The following DLC1 variants were observed in gnomAD, a reference collection of about 807,000 sequenced individuals.
DLC1 encodes the protein rho GTPase-activating protein 7.
A neutral mutation model predicts 140.3 loss-of-function variants in DLC1; 54 were observed. The ratio of observed to expected loss-of-function variants is 0.38; its 90% CI spans 0.31 to 0.48. The LOEUF is 0.48. DLC1 is among the 20% of genes least tolerant of loss of function. The pLI, the probability that DLC1 is intolerant of heterozygous loss-of-function variation, is 0.96. For synonymous variants in DLC1, 986 were observed against 728.1 expected, an observed-to-expected ratio of 1.35 and a Z score of -5.70; for missense variants, 2,536 against 1,907.0, an observed-to-expected ratio of 1.33 and a Z score of -6.14.
chr8:13,283,819 A>T (rs1189564225), intron 5 of DLC1, among the ~76,000 whole-genome samples: 2 of 152,150 alleles, frequency 1.3e-5, no homozygotes, highest in African/African-American at 4.8e-5. Context: ...GTGGCGTAGC[A>T]GTGTTGAGGT....
rs35621453 is a variant in DLC1 at position 13,499,121 on chromosome 8, C to A, written c.951G>T (p.Gln317His). 1,798 of 1,614,166 alleles carry A rather than the reference C, an allele frequency of 1.1e-3. 26 individuals are homozygous for A. The African/African-American group carries it at 0.022, about 20-fold the overall frequency. Residue 317 changes from glutamine to histidine, a missense_variant, in exon 2 of 18, where the codon CAG becomes CAT. By Grantham distance (24) the Gln-to-His change is conservative (BLOSUM62 0). Coordinates refer to ENST00000276297, the MANE Select transcript of DLC1 (RefSeq NM_182643.3). ...PPKVKAEDGM[Q>H]CLQLKETLAT... ...CCAGGGTCTCCTTTAATTGTAAACA[C>A]TGCATGCCATCTTCTGCCTTGACCT...
At chr8:13,173,756 C>T (rs1431207) in intron 5 of DLC1, among the ~76,000 whole-genome samples, 2 of 152,054 alleles carry the variant, frequency 1.3e-5, no homozygotes, top group African/African-American at 2.4e-5. Flanking sequence ...CTACAGATTT[C>T]GAATGGTTTG....
chr8:13,295,938 C>CTTTTTTTTTTTT lies in DLC1; in HGVS notation c.1348+9330_1348+9331insAAAAAAAAAAAA, dbSNP rs34697767. Among the ~76,000 whole-genome samples the CTTTTTTTTTTTT allele has an allele frequency of 1.5e-4, 8 of 53,342 alleles. 2 individuals are homozygous for CTTTTTTTTTTTT. The highest frequency in any genetic ancestry group is 0.029 in the Middle Eastern group (2 of 68). The allele number at this position is 53,342 out of a possible 152,430, so 35.0% of individuals were successfully genotyped here. On this transcript the variant is annotated intron_variant, in intron 5 of 17. Coordinates refer to ENST00000276297, the MANE Select transcript of DLC1 (RefSeq NM_182643.3). The stretch of plus-strand genomic sequence containing the variant: ...ATCTAAGAGATGATCAGATAAGATT[C>CTTTTTTTTTTTT]TTTGTTTTTTTTTTTTTTTTTTTTT...
At chr8:13,151,771 G>A (rs1320619612) in intron 5 of DLC1, among the ~76,000 whole-genome samples, 1 of 152,124 alleles carries the variant, frequency 6.6e-6, no homozygotes, top group Non-Finnish European at 1.5e-5. Context: ...AAACCTGAGT[G>A]TCTGAAGGAC....
intron 1 of DLC1, among the ~76,000 whole-genome samples, chr8:13,523,640 T>C (rs1585240466): frequency 6.6e-6 from 1 of 152,086 alleles, no homozygotes; most frequent in East Asian, 1.9e-4. Flanking sequence ...AATTGGCTAT[T>C]AGATTTAAGA....
At position 13,109,384 on chromosome 8, in the gene DLC1, G is replaced by A. The variant is rs912003782; in HGVS notation, c.1502+1358C>T. On this transcript the variant is annotated intron_variant, in intron 7 of 17. Coordinates refer to ENST00000276297, the MANE Select transcript of DLC1 (RefSeq NM_182643.3). ...CCAGCCTGAGCAACACAGCAAGACC[G>A]CATCTCTACAAAAAATACAAAAATT... Among the ~76,000 whole-genome samples, 26 of 151,610 alleles carry A rather than the reference G, an allele frequency of 1.7e-4. No individual in the cohort carries two copies. The East Asian group carries it at 2.1e-3, about 13-fold the overall frequency.
intron 2 of DLC1, 91 bp downstream of exon 2, chr8:13,498,958 A>G (rs1003689740): frequency 1.4e-6 from 2 of 1,426,842 alleles, no homozygotes; most frequent in African/African-American, 1.4e-5. Context: ...AACCATCTTC[A>G]TATCTTTTTA....
At chr8:13,188,827 GTATA>G (rs1563149780) in intron 5 of DLC1, among the ~76,000 whole-genome samples, 12 of 28,640 alleles carry the variant, frequency 4.2e-4, no homozygotes, top group African/African-American at 1.2e-3. Context: ...ATATATATAT[GTATA>G]TATATATATA....
At chr8:13,592,953 C>A (rs1254658521) in intron 1 of DLC1, among the ~76,000 whole-genome samples, 1 of 152,008 alleles carries the variant, frequency 6.6e-6, no homozygotes, top group African/African-American at 2.4e-5. Context: ...CCCTTATGTC[C>A]CTCTTTCCTT....
intron 1 of DLC1, among the ~76,000 whole-genome samples, chr8:13,544,375 T>C (rs911984270): frequency 6.6e-6 from 1 of 152,192 alleles, no homozygotes; most frequent in African/African-American, 2.4e-5. Context: ...ATTACTCTAA[T>C]TTAAATAATA....
At chr8:13,542,277 A>C (rs1563430070) in intron 1 of DLC1, among the ~76,000 whole-genome samples, 1 of 152,122 alleles carries the variant, frequency 6.6e-6, no homozygotes, top group Non-Finnish European at 1.5e-5. Context: ...TGTATGTACA[A>C]ATTTTCCAGT....
rs796475691 is a variant in DLC1, at chr8:13,313,666, G to C, written c.1315-8364C>G. 1.1e-4 allele frequency among the ~76,000 whole-genome samples: 16 copies of C among 152,258 alleles called. 1 individual carries two copies. Among genetic ancestry groups the C allele is most frequent in the African/African-American group, 3.9e-4 (16 of 41,558 alleles). On this transcript the variant is annotated intron_variant, in intron 4 of 17. Transcript: ENST00000276297. The stretch of plus-strand genomic sequence containing the variant: ...TCGGAAATAATGCAAAACAAATATA[G>C]GTTGTCTGTCTCTGAGTCCTCCTCT...
intron 2 of DLC1, among the ~76,000 whole-genome samples, chr8:13,491,997 T>A (rs1236635549): frequency 2.0e-5 from 3 of 152,194 alleles, no homozygotes; most frequent in Non-Finnish European, 2.9e-5. Flanking sequence ...TGGAATCAAT[T>A]GGATTCCAAT....
At chr8:13,276,532 C>CG in intron 5 of DLC1, 1 of 1,289,306 alleles carries the variant, frequency 7.8e-7, no homozygotes. Flanking sequence ...ACTGCGGCCC[C>CG]GGGAAGCGCC....
chr8:13,441,657 G>C (rs1190723971), intron 2 of DLC1, among the ~76,000 whole-genome samples: 1 of 152,078 alleles, frequency 6.6e-6, no homozygotes. Flanking sequence ...TACAAGGGAC[G>C]TGAAGGACCT....
intron 2 of DLC1, among the ~76,000 whole-genome samples, chr8:13,418,694 C>G (rs11774209): frequency 2.0e-5 from 3 of 151,842 alleles, no homozygotes; most frequent in African/African-American, 4.8e-5. Flanking sequence ...CTTGGCGATG[C>G]GGGCTCTTTT....
chr8:13,358,967 C>G (rs949079715), intron 4 of DLC1, among the ~76,000 whole-genome samples: 2 of 144,054 alleles, frequency 1.4e-5, no homozygotes, highest in Admixed American at 1.4e-4. Flanking sequence ...GAGGTGGAGT[C>G]TTGCTCTGTC....
At chr8:13,240,158 C>G (rs1436130357) in intron 5 of DLC1, among the ~76,000 whole-genome samples, 2 of 152,078 alleles carry the variant, frequency 1.3e-5, no homozygotes, top group Non-Finnish European at 2.9e-5. Context: ...GTAGATGTCT[C>G]TGGAGACCTG....
chr8:13,579,853 C>T (rs1484817784), intron 1 of DLC1, among the ~76,000 whole-genome samples: 1 of 151,558 alleles, frequency 6.6e-6, no homozygotes, highest in Non-Finnish European at 1.5e-5. Flanking sequence ...ACCCAGTGTG[C>T]CCATATATTA....
Sources: allele counts gnomAD v4.1 joint callset (sites outside exome capture counted in the v4.1 genomes callset), GRCh38; gene constraint gnomAD v4.1.1; transcripts MANE v1.5; gene names NCBI Gene and HGNC (gene_info 2026-07-23, HGNC 2026-07-21).